Variants in PEAK1 observed in about 807,000 individuals in gnomAD.
PEAK1 encodes pseudopodium enriched atypical kinase 1.
PEAK1 carries 54 observed loss-of-function variants against 124.7 expected under a neutral mutation model. That is an observed-to-expected ratio of 0.43 (90% CI 0.35 to 0.54). The LOEUF (loss-of-function observed/expected upper bound fraction) is 0.54. Ranked by LOEUF, PEAK1 falls within the 20% of genes least tolerant of loss-of-function variation. PEAK1 has a pLI of 0.01. For synonymous variants in PEAK1, 719 were observed against 760.0 expected (o/e 0.95, Z 0.89); for missense variants, 2,046 against 2,134.5 (o/e 0.96, Z 0.82).
Position 77,302,264 on chromosome 15 carries a change from T to C in PEAK1, c.-602-15760A>G, listed in dbSNP as rs567844705. Among the ~76,000 whole-genome samples, 7 of 152,316 alleles carry C rather than the reference T, an allele frequency of 4.6e-5. No homozygotes were observed. In the South Asian group the frequency reaches 6.2e-4, roughly 14 times the overall value. On this transcript the variant is annotated intron_variant, in intron 2 of 9. Coordinates refer to ENST00000682557, the MANE Select transcript of PEAK1 (RefSeq NM_001385026.1). ...CTAGTACACATTGACTTAGTGTACA[T>C]TGTAAATATGTACACTAACCTGTGC...
At chr15:77,238,298 T>C (rs904059513) in intron 6 of PEAK1, among the ~76,000 whole-genome samples, 2 of 152,190 alleles carry the variant, frequency 1.3e-5, no homozygotes, top group African/African-American at 4.8e-5. Context: ...TATAGGATTA[T>C]TGCTGGTTGC....
intron 9 of PEAK1, among the ~76,000 whole-genome samples, chr15:77,127,295 T>A (rs1331016068): frequency 6.6e-6 from 1 of 152,224 alleles, no homozygotes; most frequent in East Asian, 1.9e-4. Context: ...AATAAATTTA[T>A]CCTTTTCAGT....
intron 2 of PEAK1, among the ~76,000 whole-genome samples, chr15:77,286,813 AG>A (rs1398445082): frequency 6.6e-6 from 1 of 152,206 alleles, no homozygotes; most frequent in Non-Finnish European, 1.5e-5. Context: ...TTCACTATTC[AG>A]GGGTTGCATG....
At chr15:77,177,381 T>C (rs573439263) in intron 7 of PEAK1, among the ~76,000 whole-genome samples, 21 of 152,276 alleles carry the variant, frequency 1.4e-4, no homozygotes, top group Admixed American at 9.2e-4. Context: ...AGTTGCTTTG[T>C]TACTACATGG....
intron 5 of PEAK1, among the ~76,000 whole-genome samples, chr15:77,264,391 A>G (rs1410234256): frequency 1.3e-5 from 2 of 152,190 alleles, no homozygotes; most frequent in Non-Finnish European, 2.9e-5. Flanking sequence ...AAAGCTGATA[A>G]GCAACTTCAG....
intron 2 of PEAK1, among the ~76,000 whole-genome samples, chr15:77,299,998 A>G (rs2063705442): frequency 6.6e-6 from 1 of 152,182 alleles, no homozygotes; most frequent in Non-Finnish European, 1.5e-5. Flanking sequence ...TGCATCCTTT[A>G]GATATAATCC....
intron 1 of PEAK1, chr15:77,419,669 G>C (rs1233185016): frequency 2.0e-6 from 2 of 984,988 alleles, no homozygotes; most frequent in Non-Finnish European, 2.4e-6. Flanking sequence ...GCCGCGCCCG[G>C]GGGCGTCCCT....
chr15:77,114,242 G>T lies in PEAK1; in HGVS notation c.5155C>A (p.Leu1719Ile). Residue 1719 changes from leucine (L) to isoleucine (I), a missense_variant, in exon 10 of 10, where the codon CTT (leucine) becomes ATT (isoleucine). Transcript: ENST00000682557. ...TACTGAGCACAAAGCCAGTCCTCAA[G>T]GCTGATTCCACCTTCCCTGTCCAGG... is the stretch of plus-strand genomic sequence containing the variant. The part of the protein sequence containing the change: ...KSLDREGGIS[L>I]EDWLCAQYLA... The T allele has an allele frequency of 2.5e-6, 4 of 1,614,222 alleles. No individual in the cohort carries two copies. The highest frequency in any genetic ancestry group is 3.4e-6 in the Non-Finnish European group (4 of 1,180,044).
At chr15:77,406,141 C>G (rs1045601067) in intron 1 of PEAK1, among the ~76,000 whole-genome samples, 1 of 152,104 alleles carries the variant, frequency 6.6e-6, no homozygotes, top group Non-Finnish European at 1.5e-5. Context: ...TGGAAACGAA[C>G]GAGCTCTTTT....
intron 2 of PEAK1, chr15:77,350,677 T>A: frequency 1.0e-6 from 1 of 984,204 alleles, no homozygotes; most frequent in Admixed American, 6.2e-5. Context: ...TACAGCTCAG[T>A]TCCCTACAGC....
At position 77,296,545 on chromosome 15, in the gene PEAK1, C is replaced by T. The variant is rs145814063; in HGVS notation, c.-602-10041G>A. On this transcript the variant is annotated intron_variant, in intron 2 of 9. Transcript: ENST00000682557. ...AGGAGAATTGCTTGAACTCAGGAGG[C>T]GGAGGTTGAAGTGAGCCAAGATCAC... 7.4e-3 allele frequency among the ~76,000 whole-genome samples: 1,125 copies of T among 151,218 alleles called. 42 individuals are homozygous for T. The highest frequency in any genetic ancestry group is 0.026 in the African/African-American group (1,067 of 40,904).
chr15:77,141,405 G>A (rs1471531125), intron 8 of PEAK1, among the ~76,000 whole-genome samples: 2 of 152,166 alleles, frequency 1.3e-5, no homozygotes, highest in Non-Finnish European at 2.9e-5. Flanking sequence ...CAAATGGAAA[G>A]ATATCTTATG....
chr15:77,320,366 C>T (rs2065124783), intron 2 of PEAK1, among the ~76,000 whole-genome samples: 2 of 152,252 alleles, frequency 1.3e-5, no homozygotes, highest in South Asian at 2.1e-4. Flanking sequence ...TATTTTATAT[C>T]CCTAGTGCTG....
intron 1 of PEAK1, chr15:77,403,009 T>C (rs1216859535): frequency 1.9e-5 from 19 of 985,364 alleles, no homozygotes; most frequent in Non-Finnish European, 2.3e-5. Context: ...GATTTTGTTA[T>C]ACTTCCACTC....
chr15:77,349,914 T>C (rs1343139150), intron 2 of PEAK1: 1 of 984,666 alleles, frequency 1.0e-6, no homozygotes, highest in Non-Finnish European at 1.2e-6. Flanking sequence ...ACAATACATG[T>C]TTCTGAGTGT....
intron 2 of PEAK1, among the ~76,000 whole-genome samples, chr15:77,325,407 C>CAATCAATA (rs544935581): frequency 1.4e-5 from 2 of 144,176 alleles, no homozygotes; most frequent in African/African-American, 5.2e-5. Context: ...GATCCCATCT[C>CAATCAATA]AATAAATAAA....
At chr15:77,338,395 T>C (rs996755996) in intron 2 of PEAK1, among the ~76,000 whole-genome samples, 1 of 152,146 alleles carries the variant, frequency 6.6e-6, no homozygotes, top group Non-Finnish European at 1.5e-5. Context: ...TCTGATGAAA[T>C]CTATAAATTG....
chr15:77,419,728 G>C, intron 1 of PEAK1: 1 of 939,992 alleles, frequency 1.1e-6, no homozygotes. Flanking sequence ...GCGCTCCCGG[G>C]GCCGCCGCCG....
At chr15:77,370,912 C>T in intron 1 of PEAK1, 1 of 410,352 alleles carries the variant, frequency 2.4e-6, no homozygotes, top group Non-Finnish European at 3.3e-6. Context: ...CGCCTGTAGT[C>T]CCAGCTACTC....
Sources: gnomAD v4.1 joint callset for allele counts (sites outside exome capture counted in the v4.1 genomes callset) on GRCh38, gnomAD v4.1.1 for gene constraint, MANE v1.5 for transcripts, NCBI Gene and HGNC (gene_info 2026-07-23, HGNC 2026-07-21) for gene names.